The following VEPH1 variants were observed in gnomAD, a reference collection of about 807,000 sequenced individuals.
The protein encoded by VEPH1 is ventricular zone-expressed PH domain-containing protein homolog 1.
VEPH1 carries 80 observed loss-of-function variants against 85.2 expected under a neutral mutation model. The ratio of observed to expected loss-of-function variants is 0.94; its 90% CI spans 0.78 to 1.13. The LOEUF (loss-of-function observed/expected upper bound fraction) is 1.13. Ranked by LOEUF, VEPH1 falls within the 50% of genes most tolerant of loss-of-function variation. The pLI is 0.00. For missense variants in VEPH1, 955 were observed against 980.5 expected, an observed-to-expected ratio of 0.97 and a Z score of 0.35; for synonymous variants, 297 against 348.0, an observed-to-expected ratio of 0.85 and a Z score of 1.63.
chr3:157,378,927 G>T lies in VEPH1; in HGVS notation c.1127+2229C>A, dbSNP rs540658550. Reference sequence around the variant, plus strand: ...TTTGTGTCCTCTAATATAATGATCTGCCCTGACTTCTTAGGCTCTCATCAT... The same window carrying T: ...TTTGTGTCCTCTAATATAATGATCTTCCCTGACTTCTTAGGCTCTCATCAT... On this transcript the variant is annotated intron_variant, in intron 7 of 13. Transcript: ENST00000362010. Among the ~76,000 whole-genome samples, 67 of 152,214 alleles carry T rather than the reference G, an allele frequency of 4.4e-4. No homozygotes were observed. In the Middle Eastern group the frequency reaches 0.014, roughly 31 times the overall value.
At chr3:157,309,089 GTTATTA>G (rs752931056) in intron 11 of VEPH1, among the ~76,000 whole-genome samples, 1 of 151,012 alleles carries the variant, frequency 6.6e-6, no homozygotes, top group African/African-American at 2.4e-5. Context: ...TGTTGTTGTT[GTTATTA>G]TTATTATTAT....
chr3:157,392,775 T>C (rs980143430), intron 6 of VEPH1, among the ~76,000 whole-genome samples: 3 of 152,342 alleles, frequency 2.0e-5, no homozygotes, highest in Non-Finnish European at 4.4e-5. Flanking sequence ...CAGCATCTTA[T>C]TTAACCACTT....
intron 6 of VEPH1, among the ~76,000 whole-genome samples, chr3:157,387,181 T>A (rs533816133): frequency 6.7e-4 from 102 of 152,294 alleles, no homozygotes; most frequent in African/African-American, 2.4e-3. Flanking sequence ...TTGGCCATTT[T>A]TTTCACTTTT....
chr3:157,322,101 C>T (rs1267826398), intron 9 of VEPH1, among the ~76,000 whole-genome samples: 1 of 152,070 alleles, frequency 6.6e-6, no homozygotes, highest in Non-Finnish European at 1.5e-5. Flanking sequence ...CCCATTAAAC[C>T]GTAACTCCCC....
At chr3:157,271,528 G>C (rs1206918260) in intron 12 of VEPH1, among the ~76,000 whole-genome samples, 1 of 152,208 alleles carries the variant, frequency 6.6e-6, no homozygotes, top group Non-Finnish European at 1.5e-5. Flanking sequence ...AGGACTTAGT[G>C]GGAGACCTGT....
rs1419342620 is a variant in VEPH1 at position 157,344,803 on chromosome 3, T to G, written c.1735+18561A>C. Among the ~76,000 whole-genome samples the G allele has an allele frequency of 2.0e-5, 3 of 152,110 alleles. No individual in the cohort carries two copies. The East Asian group carries it at 5.8e-4, about 29-fold the overall frequency. ...CTACACGGCTACAATAACCAAAACA[T>G]CATGGTACTGGTACCAAAACAGAGA... On this transcript the variant is annotated intron_variant, in intron 9 of 13. Coordinates refer to ENST00000362010, the MANE Select transcript of VEPH1 (RefSeq NM_001167912.2).
At chr3:157,261,598 ATAT>A (rs1278573960) in intron 13 of VEPH1, among the ~76,000 whole-genome samples, 1 of 152,126 alleles carries the variant, frequency 6.6e-6, no homozygotes, top group Non-Finnish European at 1.5e-5. Flanking sequence ...AATTTAAAGG[ATAT>A]TATTATAAAG....
chr3:157,369,180 G>GAAAAAAAAAAAAAAAAAAAAAAAAA lies in VEPH1; in HGVS notation c.1128-4669_1128-4668insTTTTTTTTTTTTTTTTTTTTTTTTT, dbSNP rs58451868. ...ACAACAACAACAACAAAAACCAAAT[G>GAAAAAAAAAAAAAAAAAAAAAAAAA]AAAAAAAAAAAAAAAAAAAAAAAAC... On this transcript the variant is annotated intron_variant, in intron 7 of 13. Coordinates refer to ENST00000362010, the MANE Select transcript of VEPH1 (RefSeq NM_001167912.2). Among the ~76,000 whole-genome samples the GAAAAAAAAAAAAAAAAAAAAAAAAA allele has an allele frequency of 2.8e-4, 12 of 42,786 alleles. 2 individuals are homozygous for GAAAAAAAAAAAAAAAAAAAAAAAAA. The highest frequency in any genetic ancestry group is 9.9e-4 in the Admixed American group (2 of 2,024). 28.1% of individuals were successfully genotyped at this position (42,786 alleles called of 152,430 possible).
chr3:157,369,193 A>ACAAAAAAAAAAAAAAAAAC lies in VEPH1; in HGVS notation c.1128-4682_1128-4681insGTTTTTTTTTTTTTTTTTG, dbSNP rs1417067119. ...CAAAAACCAAATGAAAAAAAAAAAA[A>ACAAAAAAAAAAAAAAAAAC]AAAAAAAAAAACCTCCTGAGGTCTA... On this transcript the variant is annotated intron_variant, in intron 7 of 13. Coordinates refer to ENST00000362010, the MANE Select transcript of VEPH1 (RefSeq NM_001167912.2). 1.7e-4 allele frequency among the ~76,000 whole-genome samples: 24 copies of ACAAAAAAAAAAAAAAAAAC among 140,630 alleles called. No individual in the cohort carries two copies. The East Asian group carries it at 5.3e-3, about 31-fold the overall frequency. 92.3% of individuals were successfully genotyped at this position (140,630 alleles called of 152,430 possible).
intron 5 of VEPH1, among the ~76,000 whole-genome samples, chr3:157,423,867 A>C (rs1732537156): frequency 6.6e-6 from 1 of 152,216 alleles, no homozygotes; most frequent in African/African-American, 2.4e-5. Context: ...TTCTTTGAGT[A>C]ATTTGTATGT....
At position 157,363,555 on chromosome 3, in the gene VEPH1, T is replaced by A; in HGVS notation, c.1544A>T (p.His515Leu). Residue 515 changes from histidine to leucine, a missense_variant, in exon 9 of 14, where the codon CAT becomes CTT. His to Leu is a moderately conservative substitution (Grantham distance 99). Coordinates refer to ENST00000362010, the MANE Select transcript of VEPH1 (RefSeq NM_001167912.2). ...ESSVSYPNII[H>L]IDSENLSETV... ...TTCTGACAAATTCTCTGAGTCTATA[T>A]GTATAATATTTGGGTATGAAACTGA... 6.2e-7 allele frequency: 1 copy of A among 1,614,186 alleles called. No individual in the cohort carries two copies. Among genetic ancestry groups the A allele is most frequent in the Non-Finnish European group, 8.5e-7 (1 of 1,180,022 alleles).
intron 11 of VEPH1, among the ~76,000 whole-genome samples, chr3:157,291,252 T>G (rs553746262): frequency 6.6e-6 from 1 of 152,230 alleles, no homozygotes; most frequent in East Asian, 1.9e-4. Flanking sequence ...AGTTTATGTT[T>G]GTATAGTTAT....
chr3:157,292,907 C>T (rs1466887265), intron 11 of VEPH1, among the ~76,000 whole-genome samples: 1 of 147,460 alleles, frequency 6.8e-6, no homozygotes, highest in Non-Finnish European at 1.5e-5. Flanking sequence ...CGCTTGAGCC[C>T]AGGAGGCGGA....
chr3:157,344,841 G>GA (rs1332799185), intron 9 of VEPH1, among the ~76,000 whole-genome samples: 1 of 152,050 alleles, frequency 6.6e-6, no homozygotes, highest in Admixed American at 6.5e-5. Context: ...TCGACCAACG[G>GA]AAAAGAACAG....
intron 6 of VEPH1, among the ~76,000 whole-genome samples, chr3:157,395,751 G>T (rs1560029349): frequency 1.3e-5 from 2 of 151,974 alleles, no homozygotes; most frequent in Non-Finnish European, 1.5e-5. Context: ...GCAAGTGAAG[G>T]TTTGTCACAT....
At chr3:157,295,890 C>T (rs184160386) in intron 11 of VEPH1, among the ~76,000 whole-genome samples, 2 of 152,114 alleles carry the variant, frequency 1.3e-5, no homozygotes, top group East Asian at 3.9e-4. Context: ...GGGAGGCAGA[C>T]GTTGCAGTGA....
chr3:157,466,323 A>G (rs1736369914), intron 3 of VEPH1, among the ~76,000 whole-genome samples: 1 of 152,184 alleles, frequency 6.6e-6, no homozygotes, highest in Admixed American at 6.5e-5. Flanking sequence ...CATAGTGGCT[A>G]GAGCACAGAT....
At chr3:157,347,798 C>T (rs1270552224) in intron 9 of VEPH1, among the ~76,000 whole-genome samples, 1 of 152,242 alleles carries the variant, frequency 6.6e-6, no homozygotes, top group Non-Finnish European at 1.5e-5. Context: ...ACTGGAGAAT[C>T]CTACAGTCCT....
At chr3:157,441,205 GA>G (rs1247352864) in intron 4 of VEPH1, among the ~76,000 whole-genome samples, 5 of 152,166 alleles carry the variant, frequency 3.3e-5, no homozygotes, top group Non-Finnish European at 5.9e-5. Context: ...GTAGTGTGCT[GA>G]TTAAGGGCGT....
Sources: allele counts gnomAD v4.1 joint callset (sites outside exome capture counted in the v4.1 genomes callset), GRCh38; gene constraint gnomAD v4.1.1; transcripts MANE v1.5; gene names NCBI Gene and HGNC (gene_info 2026-07-23, HGNC 2026-07-21).